Variants in AGBL1 observed in about 807,000 individuals in gnomAD.
The protein encoded by AGBL1 is cytosolic carboxypeptidase 4.
In AGBL1, 130 loss-of-function variants were observed where a neutral mutation model predicts 118.9. The observed-to-expected ratio is 1.09, with a 90% CI of 0.95 to 1.26. AGBL1 has a LOEUF of 1.26. Among genes scored for constraint, AGBL1 ranks in the 50% most tolerant of loss-of-function variants. The probability of loss-of-function intolerance (pLI) is 0.00; values close to 1 mark genes in which losing one functional copy is unlikely to be tolerated. For missense variants in AGBL1, 1,584 were observed against 1,298.1 expected, an observed-to-expected ratio of 1.22 and a Z score of -3.38; for synonymous variants, 555 against 478.9, an observed-to-expected ratio of 1.16 and a Z score of -2.08.
At chr15:86,832,202 A>G (rs542391813) in intron 22 of AGBL1, among the ~76,000 whole-genome samples, 1 of 152,310 alleles carries the variant, frequency 6.6e-6, no homozygotes, top group Non-Finnish European at 1.5e-5. Flanking sequence ...GGCTGCTGTA[A>G]AGACCTCTCA....
chr15:86,258,366 A>G (rs55987855), intron 9 of AGBL1, among the ~76,000 whole-genome samples: 4,705 of 152,266 alleles, frequency 0.031, 260 homozygotes, highest in African/African-American at 0.11. Context: ...GACCCTAGAA[A>G]GATTTTCCAG....
chr15:86,255,589 C>CCTAA (rs926527508), intron 7 of AGBL1, among the ~76,000 whole-genome samples: 3 of 152,122 alleles, frequency 2.0e-5, no homozygotes, highest in African/African-American at 7.2e-5. Context: ...TTGATACAAG[C>CCTAA]CTAACCAACA....
chr15:86,143,974 T>C (rs2076999360), intron 3 of AGBL1, 129 bp downstream of exon 3: 11 of 1,188,826 alleles, frequency 9.3e-6, no homozygotes, highest in Middle Eastern at 2.9e-4. Flanking sequence ...GACAACTTGA[T>C]GGTGATGGCA....
At chr15:86,090,125 G>A (rs1310423040) in intron 1 of AGBL1, among the ~76,000 whole-genome samples, 1 of 152,036 alleles carries the variant, frequency 6.6e-6, no homozygotes, top group Non-Finnish European at 1.5e-5. Flanking sequence ...CCATTTTATA[G>A]ATAAAGAACA....
chr15:86,168,730 A>C (rs1249725809), intron 5 of AGBL1, among the ~76,000 whole-genome samples: 1 of 152,202 alleles, frequency 6.6e-6, no homozygotes, highest in African/African-American at 2.4e-5. Context: ...TATAATCTAC[A>C]TTCCCAGCAG....
chr15:86,227,056 A>G (rs2078377294), intron 6 of AGBL1, among the ~76,000 whole-genome samples: 1 of 152,238 alleles, frequency 6.6e-6, no homozygotes, highest in South Asian at 2.1e-4. Flanking sequence ...GTACTGGGAT[A>G]CCAAATTTTT....
chr15:86,672,555 C>T (rs2085765575), intron 21 of AGBL1, among the ~76,000 whole-genome samples: 1 of 152,154 alleles, frequency 6.6e-6, no homozygotes, highest in South Asian at 2.1e-4. Flanking sequence ...CTCGCCTCCC[C>T]TTTGCCACCT....
intron 22 of AGBL1, among the ~76,000 whole-genome samples, chr15:86,750,729 A>T (rs1047448329): frequency 1.3e-5 from 2 of 151,848 alleles, no homozygotes; most frequent in African/African-American, 4.8e-5. Context: ...CAGATTATTT[A>T]ATTGCCCAGG....
At chr15:86,366,284 G>C (rs2080886302) in intron 17 of AGBL1, among the ~76,000 whole-genome samples, 1 of 152,138 alleles carries the variant, frequency 6.6e-6, no homozygotes, top group South Asian at 2.1e-4. Context: ...TTTGGTTAAG[G>C]CTAGAGAGGA....
chr15:86,329,769 G>A (rs57176955), intron 17 of AGBL1, among the ~76,000 whole-genome samples: 16 of 150,972 alleles, frequency 1.1e-4, no homozygotes, highest in Admixed American at 6.6e-5. Context: ...GGCCCTCTAT[G>A]CTTCATGCCC....
At chr15:86,162,784 C>T (rs2077285275) in intron 5 of AGBL1, among the ~76,000 whole-genome samples, 1 of 152,218 alleles carries the variant, frequency 6.6e-6, no homozygotes, top group Non-Finnish European at 1.5e-5. Flanking sequence ...TCTCATCTCG[C>T]TTTCCAGCCA....
Position 86,397,428 on chromosome 15 carries a change from G to A in AGBL1, c.2437G>A (p.Val813Met), listed in dbSNP as rs541083363. Reference protein sequence around the residue: ...VHPGESNASWVMKGTLEFLVS... With the variant: ...VHPGESNASWMMKGTLEFLVS... ...TCCAGGAGAGAGCAATGCCAGTTGG[G>A]TGATGAAGGGTACCTTGGAGTTCCT... The change falls in exon 18 of 23, where the codon GTG becomes ATG. Residue 813 changes from valine (V) to methionine (M), a missense_variant. Coordinates refer to ENST00000614907, the MANE Select transcript of AGBL1 (RefSeq NM_001386094.1). The A allele has an allele frequency of 6.2e-7, 1 of 1,613,136 alleles. No homozygotes were observed. Among genetic ancestry groups the A allele is most frequent in the South Asian group, 1.1e-5 (1 of 91,000 alleles).
intron 22 of AGBL1, among the ~76,000 whole-genome samples, chr15:86,903,690 G>T (rs1414809755): frequency 6.6e-6 from 1 of 152,156 alleles, no homozygotes; most frequent in African/African-American, 2.4e-5. Context: ...TCAGGTGTTG[G>T]GTGGAAGTCT....
chr15:86,610,559 T>G (rs1322056278), intron 21 of AGBL1, among the ~76,000 whole-genome samples: 1 of 152,036 alleles, frequency 6.6e-6, no homozygotes, highest in East Asian at 1.9e-4. Flanking sequence ...ACAAAGGAGT[T>G]CCCTAGACTA....
At chr15:86,599,262 T>G (rs11073649) in intron 21 of AGBL1, among the ~76,000 whole-genome samples, 1 of 146,532 alleles carries the variant, frequency 6.8e-6, no homozygotes, top group Non-Finnish European at 1.5e-5. Flanking sequence ...TATAGTCATA[T>G]GTTTTTCCCC....
At chr15:86,735,144 C>T (rs1320315844) in intron 22 of AGBL1, among the ~76,000 whole-genome samples, 3 of 152,012 alleles carry the variant, frequency 2.0e-5, no homozygotes, top group Non-Finnish European at 4.4e-5. Flanking sequence ...TGCAGTGGCG[C>T]GATCTTGGCT....
At chr15:87,027,617 G>T (rs2081745298) in intron 24 of AGBL1, among the ~76,000 whole-genome samples, 1 of 151,798 alleles carries the variant, frequency 6.6e-6, no homozygotes, top group Non-Finnish European at 1.5e-5. Context: ...CAATAGCGAA[G>T]ACATGGAATC....
chr15:86,784,930 T>G (rs961635807), intron 22 of AGBL1, among the ~76,000 whole-genome samples: 1 of 151,694 alleles, frequency 6.6e-6, no homozygotes, highest in East Asian at 1.9e-4. Flanking sequence ...ATAAGATTAT[T>G]AAAAAAAAAT....
intron 22 of AGBL1, among the ~76,000 whole-genome samples, chr15:86,758,182 G>A (rs11073669): frequency 1.3e-5 from 2 of 151,834 alleles, no homozygotes; most frequent in African/African-American, 2.4e-5. Flanking sequence ...CCTGCCACAT[G>A]TGATACCATA....
Sources: allele counts gnomAD v4.1 joint callset (sites outside exome capture counted in the v4.1 genomes callset), GRCh38; gene constraint gnomAD v4.1.1; transcripts MANE v1.5; gene names NCBI Gene and HGNC (gene_info 2026-07-23, HGNC 2026-07-21).